UIMC1: variants seen among roughly 807,000 people sequenced by gnomAD.
UIMC1 encodes ubiquitin interaction motif containing 1, also known as BRCA1-A complex subunit RAP80.
Under a neutral mutation model 84.9 loss-of-function variants are expected in UIMC1, and 42 were observed. That is an observed-to-expected ratio of 0.49 (90% CI 0.39 to 0.64). The LOEUF is 0.64. UIMC1 is among the 30% of genes least tolerant of loss of function. UIMC1 has a pLI of 0.00. For synonymous variants in UIMC1, 281 were observed against 293.0 expected (o/e 0.96, Z 0.42); for missense variants, 825 against 847.6 (o/e 0.97, Z 0.33).
At chr5:176,980,346 A>G (rs1252625925) in intron 2 of UIMC1, 5 of 152,010 alleles carry the variant, frequency 3.3e-5, no homozygotes, top group African/African-American at 9.7e-5. Flanking sequence ...CCATCCATCC[A>G]TCCATCCATC....
chr5:176,911,390 C>T lies in UIMC1; in HGVS notation c.1598-1G>A. Reference sequence around the variant, plus strand: ...GCCTCTTTTTGTCTCCGAGTCAATACTTTTAATATAAAAAATATATATATA... The same window carrying T: ...GCCTCTTTTTGTCTCCGAGTCAATATTTTTAATATAAAAAATATATATATA... On this transcript the variant is annotated splice_acceptor_variant, in intron 10 of 14. Coordinates refer to ENST00000511320, the MANE Select transcript of UIMC1 (RefSeq NM_001199298.2). LOFTEE classifies it high-confidence loss of function. The T allele has an allele frequency of 6.4e-7, 1 of 1,574,564 alleles. No individual in the cohort carries two copies. Among genetic ancestry groups the T allele is most frequent in the Non-Finnish European group, 8.6e-7 (1 of 1,159,820 alleles).
At chr5:176,929,060 T>C (rs932078565) in intron 10 of UIMC1, among the ~76,000 whole-genome samples, 5 of 151,824 alleles carry the variant, frequency 3.3e-5, no homozygotes, top group Admixed American at 2.0e-4. Context: ...GAGACCAGCC[T>C]GGCCAATATA....
intron 10 of UIMC1, among the ~76,000 whole-genome samples, chr5:176,918,899 T>C: frequency 6.6e-6 from 1 of 152,262 alleles, no homozygotes; most frequent in African/African-American, 2.4e-5. Flanking sequence ...CAAAAACACA[T>C]ACAACGTGCT....
Position 176,981,001 on chromosome 5 carries a change from G to A in UIMC1, c.147+1468C>T, listed in dbSNP as rs140420465. On this transcript the variant is annotated intron_variant, in intron 2 of 14. Transcript: ENST00000511320. Reference sequence around the variant, plus strand: ...AGCAATCCTCCTGTCTAAGCTTCCCGAAGCACTGGGATTATAGGGATGAGT... The same window carrying A: ...AGCAATCCTCCTGTCTAAGCTTCCCAAAGCACTGGGATTATAGGGATGAGT... Among the ~76,000 whole-genome samples, 96 of 152,154 alleles carry A rather than the reference G, an allele frequency of 6.3e-4. 1 individual carries two copies. Among genetic ancestry groups the A allele is most frequent in the African/African-American group, 2.3e-3 (94 of 41,516 alleles).
chr5:176,961,121 T>C (rs7442787), intron 6 of UIMC1, among the ~76,000 whole-genome samples: 1 of 81,824 alleles, frequency 1.2e-5, no homozygotes, highest in Non-Finnish European at 2.3e-5. Flanking sequence ...GCCCCTCTGC[T>C]CGGCTGCCCA....
intron 9 of UIMC1, among the ~76,000 whole-genome samples, chr5:176,944,363 C>CT (rs112136917): frequency 0.033 from 5,004 of 152,304 alleles, 295 homozygotes; most frequent in African/African-American, 0.11. Flanking sequence ...CCTACAGTTG[C>CT]TGGTATCTCT....
intron 9 of UIMC1, among the ~76,000 whole-genome samples, chr5:176,951,206 A>G (rs1765841303): frequency 6.6e-6 from 1 of 152,218 alleles, no homozygotes; most frequent in Admixed American, 6.5e-5. Context: ...TATGATTTAG[A>G]GCAAATTAAA....
chr5:176,929,420 AG>A (rs1272805426), intron 10 of UIMC1, among the ~76,000 whole-genome samples: 1 of 150,544 alleles, frequency 6.6e-6, no homozygotes, highest in East Asian at 2.0e-4. Context: ...CAAAAAAATT[AG>A]CCAGGCGTGG....
intron 10 of UIMC1, among the ~76,000 whole-genome samples, chr5:176,914,577 C>G (rs1370338316): frequency 2.0e-5 from 3 of 152,076 alleles, no homozygotes; most frequent in Non-Finnish European, 4.4e-5. Flanking sequence ...AACTACAACC[C>G]AAGGTGTAAA....
At chr5:176,974,795 G>C (rs965406881) in intron 3 of UIMC1, among the ~76,000 whole-genome samples, 1 of 151,878 alleles carries the variant, frequency 6.6e-6, no homozygotes, top group African/African-American at 2.4e-5. Flanking sequence ...CCGGGTGACA[G>C]AGCACGATGC....
Position 176,905,380 on chromosome 5 carries a change from C to T in UIMC1, c.2062G>A (p.Ala688Thr). The T allele has an allele frequency of 6.2e-7, 1 of 1,614,162 alleles. No individual in the cohort carries two copies. Among genetic ancestry groups the T allele is most frequent in the South Asian group, 1.1e-5 (1 of 91,088 alleles). ...TTAAAGTCCACTAAGCAATCTGTGG[C>T]TTCTGAAATGGAAACAAAAGACTTG... ...PVKSFVSISE[A>T]TDCLVDFKKQ... Residue 688 changes from alanine to threonine, a missense_variant, in exon 15 of 15, where the codon GCC becomes ACC. Coordinates refer to ENST00000511320, the MANE Select transcript of UIMC1 (RefSeq NM_001199298.2).
At chr5:176,914,152 T>C (rs1760676509) in intron 10 of UIMC1, among the ~76,000 whole-genome samples, 2 of 152,134 alleles carry the variant, frequency 1.3e-5, no homozygotes, top group African/African-American at 4.8e-5. Context: ...ACTAAGTTGC[T>C]GGGTATTTTT....
At chr5:176,906,186 A>T in intron 13 of UIMC1, 139 bp from the exon 14 acceptor site, 1 of 732,870 alleles carries the variant, frequency 1.4e-6, no homozygotes, top group South Asian at 1.8e-5. Flanking sequence ...CAATCCCCTA[A>T]ACCCACAGAC....
At chr5:176,966,479 G>A (rs377432069) in intron 6 of UIMC1, among the ~76,000 whole-genome samples, 1 of 151,960 alleles carries the variant, frequency 6.6e-6, no homozygotes, top group Admixed American at 6.6e-5. Context: ...AAGAAAGACA[G>A]AATAACATAA....
At chr5:176,964,231 TGA>T (rs891867360) in intron 6 of UIMC1, among the ~76,000 whole-genome samples, 18 of 152,188 alleles carry the variant, frequency 1.2e-4, no homozygotes, top group African/African-American at 4.1e-4. Flanking sequence ...AGCAAAAGAT[TGA>T]GAGGTAAAAC....
intron 8 of UIMC1, among the ~76,000 whole-genome samples, chr5:176,953,089 C>G (rs953292214): frequency 6.6e-6 from 1 of 152,152 alleles, no homozygotes; most frequent in Non-Finnish European, 1.5e-5. Flanking sequence ...AGCTCTCTCA[C>G]CCTCTTTCCA....
chr5:176,976,403 C>T (rs947763260), intron 2 of UIMC1, among the ~76,000 whole-genome samples: 5 of 152,116 alleles, frequency 3.3e-5, no homozygotes, highest in Admixed American at 2.0e-4. Flanking sequence ...CCAAGAAGTA[C>T]ATGAAAAGAT....
intron 10 of UIMC1, among the ~76,000 whole-genome samples, chr5:176,942,701 G>A (rs1309999287): frequency 2.8e-5 from 4 of 142,752 alleles, no homozygotes; most frequent in African/African-American, 1.1e-4. Context: ...AGCCAAGATC[G>A]CACCACTGCA....
chr5:177,011,745 C>T (rs1775552521), upstream of UIMC1, among the ~76,000 whole-genome samples: 1 of 151,950 alleles, frequency 6.6e-6, no homozygotes, highest in African/African-American at 2.4e-5. Flanking sequence ...AAGTCAGGGA[C>T]CCCAAACGGA....
Sources: allele counts gnomAD v4.1 joint callset (sites outside exome capture counted in the v4.1 genomes callset), GRCh38; gene constraint gnomAD v4.1.1; transcripts MANE v1.5; gene names NCBI Gene and HGNC (gene_info 2026-07-23, HGNC 2026-07-21).